Variants in LSS observed in about 807,000 individuals in gnomAD.
LSS encodes the protein 2,3-epoxysqualene-lanosterol cyclase.
LSS carries 90 observed loss-of-function variants against 110.3 expected under a neutral mutation model. The ratio of observed to expected loss-of-function variants is 0.82; its 90% CI spans 0.69 to 0.97. The LOEUF is 0.97. Ranked by LOEUF, LSS falls within the 50% of genes least tolerant of loss-of-function variation. The probability of loss-of-function intolerance (pLI) is 0.00; values close to 1 mark genes in which losing one functional copy is unlikely to be tolerated. For synonymous variants in LSS, 433 were observed against 400.0 expected, an observed-to-expected ratio of 1.08 and a Z score of -0.98; for missense variants, 927 against 990.0, an observed-to-expected ratio of 0.94 and a Z score of 0.85.
chr21:46,195,665 CACT>C lies in LSS; in HGVS notation c.1817+8_1817+10del, dbSNP rs746867745. 1.2e-6 allele frequency: 2 copies of C among 1,612,916 alleles called. No individual in the cohort carries two copies. Among genetic ancestry groups the C allele is most frequent in the Non-Finnish European group, 1.7e-6 (2 of 1,179,102 alleles). ...GAACCCCCACCCACCAGAGGACAGGCACTCACTCACCCATCTCGGTAGGTCTGC... is the reference window on the plus strand; with the variant it reads ...GAACCCCCACCCACCAGAGGACAGGCCACTCACCCATCTCGGTAGGTCTGC... On this transcript the variant is annotated splice_region_variant and intron_variant, in intron 19 of 21. Transcript: ENST00000397728.
intron 17 of LSS, among the ~76,000 whole-genome samples, chr21:46,197,050 C>T (rs1050053709): frequency 9.8e-5 from 15 of 152,362 alleles, no homozygotes; most frequent in Admixed American, 7.2e-4. Context: ...AGGCAGAGGA[C>T]GACCTGCGAG....
At chr21:46,212,877 C>T (rs756584875) in intron 11 of LSS, 148 bp downstream of exon 11, 35 of 887,908 alleles carry the variant, frequency 3.9e-5, no homozygotes, top group East Asian at 5.2e-5. Context: ...CACAGGGACA[C>T]GGCCAGAGGC....
intron 20 of LSS, 48 bp from the exon 21 acceptor site, chr21:46,192,007 G>T: frequency 7.4e-7 from 1 of 1,343,514 alleles, no homozygotes; most frequent in Non-Finnish European, 1.1e-6. Context: ...TGCCCCCACA[G>T]CATCATCCTC....
chr21:46,215,398 T>TGGGGGGCCC, intron 8 of LSS, 100 bp from the exon 9 acceptor site: 1 of 763,034 alleles, frequency 1.3e-6, no homozygotes. Flanking sequence ...TCCCAGGGTT[T>TGGGGGGCCC]CCCCCTCCCA....
Position 46,227,595 on chromosome 21 carries a change from C to T in LSS, c.276G>A (p.Gly92=), listed in dbSNP as rs1262597669. The T allele has an allele frequency of 1.2e-6, 2 of 1,614,036 alleles. No individual in the cohort carries two copies. The highest frequency in any genetic ancestry group is 1.7e-5 in the Admixed American group (1 of 60,014). The part of the protein sequence containing the change: ...TFYVGLQAED[G]HWTGDYGGPL... ...GGCCACCATAATCACCCGTCCAGTG[C>T]CCATCCTCAGCCTGCAGCCCCACGT... Residue 92 remains glycine, a synonymous_variant, in exon 3 of 22, where the codon GGG becomes GGA. Coordinates refer to ENST00000397728, the MANE Select transcript of LSS (RefSeq NM_002340.6).
Position 46,228,465 on chromosome 21 carries a change from C to G in LSS, c.149G>C (p.Gly50Ala). Residue 50 changes from glycine (G) to alanine (A), a missense_variant, in exon 2 of 22, where the codon GGC becomes GCC. Physicochemically the swap from Gly to Ala is moderately conservative, Grantham distance 60 (BLOSUM62 0). Transcript: ENST00000397728. The stretch of plus-strand genomic sequence containing the variant: ...CAGCCCCAGGGCGTAGGCTTCCAGG[C>G]CGGTCTGCTCGCGGCCGGCGCGCTC... ...QDERAGREQTGLEAYALGLDT... is the reference protein window; with the variant it reads ...QDERAGREQTALEAYALGLDT... 1.2e-6 allele frequency: 2 copies of G among 1,603,714 alleles called. No homozygotes were observed. The highest frequency in any genetic ancestry group is 1.7e-6 in the Non-Finnish European group (2 of 1,179,620).
chr21:46,210,875 T>C, intron 11 of LSS, 131 bp from the exon 12 acceptor site: 1 of 811,818 alleles, frequency 1.2e-6, no homozygotes, highest in African/African-American at 1.7e-5. Flanking sequence ...AGCCTCAGGC[T>C]CTGAGCCCTG....
At position 46,215,165 on chromosome 21, in the gene LSS, G is replaced by A; in HGVS notation, c.1011+15C>T. The A allele has an allele frequency of 1.2e-6, 2 of 1,602,886 alleles. No individual in the cohort carries two copies. On this transcript the variant is annotated intron_variant, in intron 9 of 21. Transcript: ENST00000397728. ...CCCCAGGGGCTGCAGTCAGAGGCCGGGCAGGGGCACTGACCGGGCCGATGC... is the reference window on the plus strand; with the variant it reads ...CCCCAGGGGCTGCAGTCAGAGGCCGAGCAGGGGCACTGACCGGGCCGATGC...
chr21:46,222,373 G>C (rs2080289255), intron 4 of LSS: 1 of 556,464 alleles, frequency 1.8e-6, no homozygotes, highest in African/African-American at 1.9e-5. Flanking sequence ...AGTGATAACA[G>C]ACTGACAGTT....
In LSS at chr21:46,191,122, G is replaced by C. The variant is rs963936404; in HGVS notation, c.2181C>G (p.Ala727=). The C allele has an allele frequency of 2.5e-6, 4 of 1,614,150 alleles. No individual in the cohort carries two copies. The African/African-American group carries it at 4.0e-5, about 16-fold the overall frequency. Residue 727 remains alanine (A), a synonymous_variant, in exon 22 of 22, where the codon GCC becomes GCG. Coordinates refer to ENST00000397728, the MANE Select transcript of LSS (RefSeq NM_002340.6). ...GRFSQLYPER[A]LAGHP ...CATGTTCTCAGGGGTGGCCAGCAAG[G>C]GCTCTCTCAGGGTACAGCTGGGAGA...
In LSS at chr21:46,212,920, C is replaced by T. The variant is rs1282223486; in HGVS notation, c.1137+105G>A. 1.9e-5 allele frequency: 27 copies of T among 1,409,146 alleles called. No individual in the cohort carries two copies. In the South Asian group the frequency reaches 2.0e-4, roughly 10 times the overall value. 87.3% of individuals were successfully genotyped at this position (1,409,146 alleles called of 1,614,324 possible). ...GACTCAGCCTCTAGTCGCACGCTGC[C>T]GGGACCTGGTCCAGGAGGAGTTATT... On this transcript the variant is annotated intron_variant, in intron 11 of 21. Transcript: ENST00000397728.
intron 3 of LSS, among the ~76,000 whole-genome samples, chr21:46,226,008 C>T (rs1255381919): frequency 6.6e-6 from 1 of 152,084 alleles, no homozygotes; most frequent in African/African-American, 2.4e-5. Flanking sequence ...AACCTACCGA[C>T]CCTGTGGGGC....
At chr21:46,215,935 C>A (rs1009623054) in intron 7 of LSS, 142 bp from the exon 8 acceptor site, 1 of 603,576 alleles carries the variant, frequency 1.7e-6, no homozygotes. Flanking sequence ...AGCAACTGAC[C>A]CCGAGGCCAC....
chr21:46,194,300 G>C (rs1254982027), intron 20 of LSS, among the ~76,000 whole-genome samples, 191 bp downstream of exon 20: 1 of 152,216 alleles, frequency 6.6e-6, no homozygotes. Context: ...CACTTGGTCA[G>C]AGCAGCCCAC....
chr21:46,224,410 CTT>C (rs769890537), intron 3 of LSS, among the ~76,000 whole-genome samples: 21 of 152,266 alleles, frequency 1.4e-4, no homozygotes, highest in Middle Eastern at 3.4e-3. Context: ...TCTTTTATCT[CTT>C]TGTCTTGCGT....
chr21:46,191,184 A>T lies in LSS; in HGVS notation c.2119T>A (p.Tyr707Asn). Residue 707 changes from tyrosine to asparagine, a missense_variant, in exon 22 of 22, where the codon TAC becomes AAC. Tyr to Asn is a moderately radical substitution (Grantham distance 143). Coordinates refer to ENST00000397728, the MANE Select transcript of LSS (RefSeq NM_002340.6). The stretch of plus-strand genomic sequence containing the variant: ...GCCCAGATGGGGAAGATGTTCCTGT[A>T]GCTCGTGTAGGAGATGGCACAGGAC... ...NKSCAISYTS[Y>N]RNIFPIWALG... The T allele has an allele frequency of 1.9e-6, 3 of 1,614,192 alleles. No individual in the cohort carries two copies. Among genetic ancestry groups the T allele is most frequent in the Non-Finnish European group, 2.5e-6 (3 of 1,180,024 alleles).
In LSS at chr21:46,206,679, C is replaced by T. The variant is rs545714917; in HGVS notation, c.1557G>A (p.Glu519=). ...TGCTGGCCGACCACTCACCGAAGAC[C>T]TCCGAGGGGTTCAGCAGCTCCAGCA... ...GHLLELLNPS[E]VFGDIMIDYT... is the part of the protein sequence containing the mutation. Residue 519 remains glutamate, a synonymous_variant, in exon 16 of 22, where the codon GAG becomes GAA. Coordinates refer to ENST00000397728, the MANE Select transcript of LSS (RefSeq NM_002340.6). 14 of 1,612,290 alleles carry T rather than the reference C, an allele frequency of 8.7e-6. No homozygotes were observed. The highest frequency in any genetic ancestry group is 1.2e-5 in the Non-Finnish European group (14 of 1,179,942).
At chr21:46,195,808 G>A in intron 18 of LSS, 52 bp from the exon 19 acceptor site, 1 of 1,460,166 alleles carries the variant, frequency 6.8e-7, no homozygotes, top group South Asian at 1.1e-5. Context: ...CACAGCCGGT[G>A]TGTGAAACAA....
At chr21:46,195,508 G>A (rs1375570400) in intron 19 of LSS, among the ~76,000 whole-genome samples, 168 bp downstream of exon 19, 1 of 152,252 alleles carries the variant, frequency 6.6e-6, no homozygotes. Flanking sequence ...ACTGCAGTGA[G>A]CTAGGATCAT....
Sources: allele counts gnomAD v4.1 joint callset (sites outside exome capture counted in the v4.1 genomes callset), GRCh38; gene constraint gnomAD v4.1.1; transcripts MANE v1.5; gene names NCBI Gene and HGNC (gene_info 2026-07-23, HGNC 2026-07-21).